EXOC7: variants seen among roughly 807,000 people sequenced by gnomAD.
EXOC7 encodes the protein exocyst complex component 7.
In EXOC7, 51 loss-of-function variants were observed where a neutral mutation model predicts 87.6. That is an observed-to-expected ratio of 0.58 (90% confidence interval 0.46 to 0.73). The LOEUF (loss-of-function observed/expected upper bound fraction) is 0.73, where lower values mean the gene tolerates loss of function less well. Among genes scored for constraint, EXOC7 ranks in the 30% least tolerant of loss-of-function variants. The probability of loss-of-function intolerance (pLI) is 0.00; values close to 1 mark genes in which losing one functional copy is unlikely to be tolerated. For synonymous variants in EXOC7, 327 were observed against 357.1 expected, an observed-to-expected ratio of 0.92 and a Z score of 0.95; for missense variants, 744 against 888.4, an observed-to-expected ratio of 0.84 and a Z score of 2.07.
chr17:76,085,648 C>G, intron 14 of EXOC7, 29 bp downstream of exon 14: 1 of 1,613,886 alleles, frequency 6.2e-7, no homozygotes, highest in Non-Finnish European at 8.5e-7. Context: ...AAGGTGAGAG[C>G]CGCAGACTCA....
At chr17:76,087,577 G>T in intron 12 of EXOC7, 77 bp downstream of exon 12, 1 of 1,419,436 alleles carries the variant, frequency 7.0e-7, no homozygotes. Context: ...CCTCCTCACT[G>T]CTACCTGCCC....
intron 3 of EXOC7, 138 bp from the exon 4 acceptor site, chr17:76,101,514 C>T (rs781416684): frequency 1.7e-5 from 24 of 1,393,470 alleles, no homozygotes; most frequent in Non-Finnish European, 2.1e-5. Context: ...CCTTTTAAGG[C>T]CTAGGGCTTA....
intron 11 of EXOC7, 128 bp downstream of exon 11, chr17:76,087,932 A>G (rs527950915): frequency 2.2e-4 from 240 of 1,096,434 alleles, no homozygotes; most frequent in Non-Finnish European, 3.1e-4. Context: ...GCCACCCAGG[A>G]CTGCTCACAA....
At position 76,081,943 on chromosome 17, in the gene EXOC7, G is replaced by C. The variant is rs1236805376; in HGVS notation, c.*1705C>G. The C allele has an allele frequency of 6.2e-7, 1 of 1,613,098 alleles. No individual in the cohort carries two copies. The highest frequency in any genetic ancestry group is 1.3e-5 in the African/African-American group (1 of 74,918). The stretch of plus-strand genomic sequence containing the variant: ...TCAGCACCATAGAGACTGTGCTGCT[G>C]GCTGGGCTGCTGGCCCGGGGCAACC... On this transcript the variant is annotated 3_prime_UTR_variant, in exon 19 of 19. Coordinates refer to ENST00000589210, the MANE Select transcript of EXOC7 (RefSeq NM_001013839.4).
chr17:76,103,324 G>C, intron 2 of EXOC7, 37 bp downstream of exon 2: 1 of 1,556,498 alleles, frequency 6.4e-7, no homozygotes, highest in Non-Finnish European at 8.7e-7. Flanking sequence ...CCAGGGTCCG[G>C]AGGCCTGCCC....
intron 7 of EXOC7, chr17:76,090,181 A>G: frequency 2.2e-6 from 2 of 917,166 alleles, no homozygotes; most frequent in Admixed American, 2.8e-5. Flanking sequence ...CCTAGGCCCA[A>G]AAGAGAGAGA....
Position 76,081,627 on chromosome 17 carries a change from G to C in EXOC7, c.*2021C>G. The C allele has an allele frequency of 1.2e-6, 2 of 1,614,120 alleles. No individual in the cohort carries two copies. Among genetic ancestry groups the C allele is most frequent in the Non-Finnish European group, 1.7e-6 (2 of 1,180,040 alleles). On this transcript the variant is annotated 3_prime_UTR_variant, in exon 19 of 19. Transcript: ENST00000589210. ...GCACTGCTGTTGGCTGACGTGTGCGGGGGGTTGCTGCCCCTCCGGGCCATT... is the reference window on the plus strand; with the variant it reads ...GCACTGCTGTTGGCTGACGTGTGCGCGGGGTTGCTGCCCCTCCGGGCCATT...
intron 3 of EXOC7, 31 bp downstream of exon 3, chr17:76,101,648 G>C: frequency 6.3e-7 from 1 of 1,584,224 alleles, no homozygotes; most frequent in Non-Finnish European, 8.6e-7. Flanking sequence ...GGAGGCATTA[G>C]GAATTGACCC....
intron 6 of EXOC7, 107 bp downstream of exon 6, chr17:76,094,307 G>T: frequency 7.7e-7 from 1 of 1,303,016 alleles, no homozygotes; most frequent in Non-Finnish European, 1.0e-6. Context: ...TTACCACGAC[G>T]ACAAGCTCTG....
intron 18 of EXOC7, 36 bp from the exon 19 acceptor site, chr17:76,083,786 C>G (rs370950437): frequency 1.3e-6 from 2 of 1,582,904 alleles, no homozygotes; most frequent in Non-Finnish European, 1.7e-6. Flanking sequence ...CAGGGAGGGC[C>G]GACCCCTCCC....
In EXOC7 at chr17:76,081,402, G is replaced by A. The variant is rs145200784; in HGVS notation, c.*2246C>T. ...AGCTGGTGCCCTGCTTCCAGGTGAC[G>A]GTGAGTCAAGTCGGGAGGAGGCCGA... On this transcript the variant is annotated 3_prime_UTR_variant, in exon 19 of 19. Transcript: ENST00000589210. The A allele has an allele frequency of 1.8e-4, 288 of 1,614,066 alleles. No homozygotes were observed. In the East Asian group the frequency reaches 3.0e-3, roughly 17 times the overall value.
chr17:76,085,913 T>C, intron 13 of EXOC7, 116 bp from the exon 14 acceptor site: 4 of 1,525,934 alleles, frequency 2.6e-6, no homozygotes, highest in Non-Finnish European at 3.5e-6. Context: ...CAGGAGGCCT[T>C]AGCCCAACTC....
intron 6 of EXOC7, chr17:76,092,761 T>C (rs1473707903): frequency 6.6e-6 from 1 of 152,134 alleles, no homozygotes; most frequent in African/African-American, 2.4e-5. Context: ...GGGTCGCCGA[T>C]GTGGATCTAG....
At chr17:76,099,169 T>C (rs1286613388) in intron 4 of EXOC7, among the ~76,000 whole-genome samples, 9 of 152,106 alleles carry the variant, frequency 5.9e-5, no homozygotes, top group African/African-American at 7.2e-5. Flanking sequence ...GAGACAAAAA[T>C]TGGAAACAAC....
At chr17:76,100,878 G>T (rs1468899237) in intron 4 of EXOC7, 3 of 152,940 alleles carry the variant, frequency 2.0e-5, no homozygotes, top group Non-Finnish European at 1.5e-5. Flanking sequence ...CTACTTGGGA[G>T]GCTGAGGTGG....
At chr17:76,087,362 G>A (rs1042116081) in intron 12 of EXOC7, 1 of 487,394 alleles carries the variant, frequency 2.1e-6, no homozygotes, top group African/African-American at 1.9e-5. Flanking sequence ...GGGGGGCAGG[G>A]GCAGAAAGGA....
intron 5 of EXOC7, among the ~76,000 whole-genome samples, chr17:76,095,684 T>C (rs2067715699): frequency 6.6e-6 from 1 of 152,188 alleles, no homozygotes; most frequent in African/African-American, 2.4e-5. Context: ...GAACTGTCGA[T>C]GAGTCCATCG....
At chr17:76,095,416 G>A (rs2067702392) in intron 5 of EXOC7, among the ~76,000 whole-genome samples, 2 of 152,060 alleles carry the variant, frequency 1.3e-5, no homozygotes, top group Admixed American at 6.5e-5. Flanking sequence ...TTACAGGCAT[G>A]AGCCATGGCG....
intron 6 of EXOC7, chr17:76,091,444 G>A (rs951347939): frequency 7.0e-6 from 4 of 567,668 alleles, no homozygotes; most frequent in South Asian, 2.1e-5. Flanking sequence ...TTCTACTACC[G>A]ACCCTCCTTG....
Sources: gnomAD v4.1 joint callset for allele counts (sites outside exome capture counted in the v4.1 genomes callset) on GRCh38, gnomAD v4.1.1 for gene constraint, MANE v1.5 for transcripts, NCBI Gene and HGNC (gene_info 2026-07-23, HGNC 2026-07-21) for gene names.